Variants in ADAMTS2 observed in about 807,000 individuals in gnomAD.
The protein encoded by ADAMTS2 is A disintegrin and metalloproteinase with thrombospondin motifs 2.
Under a neutral mutation model 123.0 loss-of-function variants are expected in ADAMTS2, and 50 were observed. The ratio of observed to expected loss-of-function variants is 0.41; its 90% confidence interval spans 0.32 to 0.51. ADAMTS2 has a LOEUF of 0.51. Among genes scored for constraint, ADAMTS2 ranks in the 20% least tolerant of loss-of-function variants. The pLI is 0.35. For synonymous variants in ADAMTS2, 678 were observed against 695.4 expected, an observed-to-expected ratio of 0.98 and a Z score of 0.39; for missense variants, 1,494 against 1,705.2, an observed-to-expected ratio of 0.88 and a Z score of 2.18.
At position 179,314,426 on chromosome 5, in the gene ADAMTS2, G is replaced by A. The variant is rs928736982; in HGVS notation, c.534+29341C>T. On this transcript the variant is annotated intron_variant, in intron 2 of 21. Transcript: ENST00000251582. The surrounding 1 kb of genome is among the most constrained non-coding windows in gnomAD (Gnocchi z 4.5). ...GCCAGGCTCCTCCCCACCCCGTGGC[G>A]TGGCGTGGCGTGGCCGGAATACTCA... is the stretch of plus-strand genomic sequence containing the variant. 5.3e-5 allele frequency among the ~76,000 whole-genome samples: 8 copies of A among 152,046 alleles called. No individual in the cohort carries two copies. Among genetic ancestry groups the A allele is most frequent in the African/African-American group, 1.2e-4 (5 of 41,426 alleles).
At position 179,207,657 on chromosome 5, in the gene ADAMTS2, G is replaced by A. The variant is rs755476647; in HGVS notation, c.747C>T (p.His249=). The stretch of plus-strand genomic sequence containing the variant: ...GTGCCCTCCGCCTCGAGCTGTTGGC[G>A]TGCTCCTCTAGGACGCCCAGGGCGC... ...LSRALGVLEE[H]ANSSRRRARR... is the part of the protein sequence containing the mutation. Residue 249 remains histidine, a synonymous_variant, in exon 4 of 22, where the codon CAC becomes CAT. Transcript: ENST00000251582. 141 of 1,613,534 alleles carry A rather than the reference G, an allele frequency of 8.7e-5. No individual in the cohort carries two copies. The highest frequency in any genetic ancestry group is 3.6e-4 in the East Asian group (16 of 44,890).
intron 21 of ADAMTS2, among the ~76,000 whole-genome samples, chr5:179,119,102 C>G (rs963854128): frequency 2.0e-5 from 3 of 152,250 alleles, no homozygotes; most frequent in Non-Finnish European, 4.4e-5. Flanking sequence ...GGCGGCGTCT[C>G]TAGCTCTGGC....
chr5:179,343,833 G>A lies in ADAMTS2; in HGVS notation c.468C>T (p.Leu156=). 6.2e-7 allele frequency: 1 copy of A among 1,608,302 alleles called. No individual in the cohort carries two copies. Residue 156 remains leucine, a synonymous_variant, in exon 2 of 22, where the codon CTC becomes CTT. Transcript: ENST00000251582. ...TRVEPLLGSC[L]YVGDVAGLAE... is the part of the protein sequence containing the mutation. Reference sequence around the variant, plus strand: ...CTAGGCCGGCCACGTCTCCGACGTAGAGACAGCTCCCGAGCAGGGGCTCCA... The same window carrying A: ...CTAGGCCGGCCACGTCTCCGACGTAAAGACAGCTCCCGAGCAGGGGCTCCA...
chr5:179,277,078 T>G (rs1429165428), intron 2 of ADAMTS2, among the ~76,000 whole-genome samples: 1 of 152,042 alleles, frequency 6.6e-6, no homozygotes, highest in African/African-American at 2.4e-5. Context: ...CCTTGCCTCC[T>G]GGAAGGGCAC....
chr5:179,161,514 G>A (rs533108389), intron 5 of ADAMTS2, among the ~76,000 whole-genome samples: 5 of 152,328 alleles, frequency 3.3e-5, no homozygotes, highest in Non-Finnish European at 5.9e-5. Flanking sequence ...CAGAAATAGA[G>A]AGTAGTTCCT....
At chr5:179,239,387 C>T (rs548766862) in intron 3 of ADAMTS2, among the ~76,000 whole-genome samples, 91 of 152,062 alleles carry the variant, frequency 6.0e-4, no homozygotes, top group Non-Finnish European at 1.2e-3. Flanking sequence ...AAGGATCAGC[C>T]GTGCACAGAG....
At chr5:179,208,139 A>C (rs1764757299) in intron 3 of ADAMTS2, among the ~76,000 whole-genome samples, 1 of 101,548 alleles carries the variant, frequency 9.8e-6, no homozygotes, top group Non-Finnish European at 2.7e-5. Context: ...GAGTGGGCAG[A>C]GCCACCCCTT....
Position 179,303,773 on chromosome 5 carries a change from C to T in ADAMTS2, c.535-30709G>A, listed in dbSNP as rs538213552. Among the ~76,000 whole-genome samples, 1 of 152,202 alleles carries T rather than the reference C, an allele frequency of 6.6e-6. No individual in the cohort carries two copies. Among genetic ancestry groups the T allele is most frequent in the South Asian group, 2.1e-4 (1 of 4,816 alleles). On this transcript the variant is annotated intron_variant, in intron 2 of 21. Coordinates refer to ENST00000251582, the MANE Select transcript of ADAMTS2 (RefSeq NM_014244.5). This position sits in a 1 kb window ranked among gnomAD's most constrained non-coding sequence, Gnocchi z 4.7. ...TGGTCCTAGAAAGGTGGAGTGAAAC[C>T]CCATTGCTCTTTCCTCTTTTGGTCC...
At chr5:179,246,526 G>C (rs1223636697) in intron 3 of ADAMTS2, among the ~76,000 whole-genome samples, 1 of 152,170 alleles carries the variant, frequency 6.6e-6, no homozygotes, top group Non-Finnish European at 1.5e-5. Flanking sequence ...GAAAGCTCTT[G>C]TGCATACCAG....
chr5:179,116,602 G>A (rs1427250661), intron 21 of ADAMTS2, among the ~76,000 whole-genome samples: 1 of 152,200 alleles, frequency 6.6e-6, no homozygotes, highest in Non-Finnish European at 1.5e-5. Flanking sequence ...CCACAGGGCA[G>A]AGCCCCAGAG....
At chr5:179,342,588 GC>G (rs574180276) in intron 2 of ADAMTS2, among the ~76,000 whole-genome samples, 21 of 152,380 alleles carry the variant, frequency 1.4e-4, no homozygotes, top group Admixed American at 2.6e-4. Flanking sequence ...AGCCTCAGCT[GC>G]CCGAGTACGG....
At chr5:179,293,025 G>A (rs1439000962) in intron 2 of ADAMTS2, among the ~76,000 whole-genome samples, 3 of 152,194 alleles carry the variant, frequency 2.0e-5, no homozygotes, top group African/African-American at 7.2e-5. Context: ...TGTTGTTGGG[G>A]GGAGAGGGTG....
chr5:179,138,712 T>G (rs919209377), intron 11 of ADAMTS2, among the ~76,000 whole-genome samples: 2 of 152,136 alleles, frequency 1.3e-5, no homozygotes, highest in Admixed American at 1.3e-4. Context: ...GAGGGATCCA[T>G]GCACGAGCGT....
intron 2 of ADAMTS2, among the ~76,000 whole-genome samples, chr5:179,327,620 G>C (rs1037791958): frequency 6.6e-6 from 1 of 152,182 alleles, no homozygotes; most frequent in Non-Finnish European, 1.5e-5. Flanking sequence ...CTTGATGCAA[G>C]AGAGCAGGGA....
intron 3 of ADAMTS2, among the ~76,000 whole-genome samples, chr5:179,269,410 AC>A (rs900154194): frequency 8.7e-6 from 1 of 114,660 alleles, no homozygotes; most frequent in African/African-American, 3.8e-5. Flanking sequence ...GGGAGGCCTC[AC>A]AATCATGGCA....
At chr5:179,166,466 G>A (rs552691237) in intron 5 of ADAMTS2, among the ~76,000 whole-genome samples, 2 of 152,312 alleles carry the variant, frequency 1.3e-5, no homozygotes, top group East Asian at 1.9e-4. Flanking sequence ...GGGCTGTCAG[G>A]AGGCTTGGCC....
chr5:179,283,488 G>A lies in ADAMTS2; in HGVS notation c.535-10424C>T, dbSNP rs956085890. ...AAAAGTCACAACTAGTAAAACTAAT[G>A]TATACCTTCCAAATGACTGAAGGCA... is the stretch of plus-strand genomic sequence containing the variant. On this transcript the variant is annotated intron_variant, in intron 2 of 21. Transcript: ENST00000251582. 5.7e-5 allele frequency among the ~76,000 whole-genome samples: 7 copies of A among 122,962 alleles called. No individual in the cohort carries two copies. In the East Asian group the frequency reaches 1.9e-3, roughly 33 times the overall value. 80.7% of individuals were successfully genotyped at this position (122,962 alleles called of 152,430 possible).
chr5:179,343,359 C>G (rs1757835926), intron 2 of ADAMTS2, among the ~76,000 whole-genome samples: 1 of 152,246 alleles, frequency 6.6e-6, no homozygotes, highest in Non-Finnish European at 1.5e-5. Context: ...CTGGCACACG[C>G]ACATGTTCAC....
intron 3 of ADAMTS2, among the ~76,000 whole-genome samples, chr5:179,221,608 C>G (rs1765127843): frequency 6.6e-6 from 1 of 152,166 alleles, no homozygotes; most frequent in African/African-American, 2.4e-5. Flanking sequence ...GCTCCCATGC[C>G]CTGATGTCCC....
Sources: gnomAD v4.1 joint callset for allele counts (sites outside exome capture counted in the v4.1 genomes callset) on GRCh38, gnomAD v4.1.1 for gene constraint, Gnocchi (gnomAD v3.1) non-coding constraint, MANE v1.5 for transcripts, NCBI Gene and HGNC (gene_info 2026-07-23, HGNC 2026-07-21) for gene names.